The following FAHD1 variants were observed in gnomAD, a reference collection of about 807,000 sequenced individuals.
FAHD1 encodes the protein oxaloacetate tautomerase FAHD1, mitochondrial.
FAHD1 carries 14 observed loss-of-function variants against 12.7 expected under a neutral mutation model. The ratio of observed to expected loss-of-function variants is 1.10; its 90% CI spans 0.73 to 1.72. FAHD1 has a LOEUF of 1.72. FAHD1 is among the 40% of genes most tolerant of loss of function. The probability of loss-of-function intolerance (pLI) is 0.00; values close to 1 mark genes in which losing one functional copy is unlikely to be tolerated. For synonymous variants in FAHD1, 153 were observed against 124.9 expected, an observed-to-expected ratio of 1.22 and a Z score of -1.50; for missense variants, 351 against 298.9, an observed-to-expected ratio of 1.17 and a Z score of -1.29.
chr16:1,829,740 A>C (rs990257199), downstream of FAHD1, among the ~76,000 whole-genome samples: 4 of 152,142 alleles, frequency 2.6e-5, no homozygotes, highest in Non-Finnish European at 4.4e-5. Context: ...AAACACCAAA[A>C]ATTTCATCTA....
intron 1 of FAHD1, among the ~76,000 whole-genome samples, chr16:1,835,807 C>T (rs1898729128): frequency 6.6e-6 from 1 of 152,152 alleles, no homozygotes; most frequent in South Asian, 2.1e-4. Context: ...TACAAGCAAA[C>T]CCATTCAGCA....
intron 2 of FAHD1, among the ~76,000 whole-genome samples, chr16:1,838,539 A>C (rs1223236763): frequency 6.6e-6 from 1 of 152,192 alleles, no homozygotes; most frequent in Admixed American, 6.5e-5. Context: ...CAAATCAAGG[A>C]GAAAACGTGT....
chr16:1,827,384 A>G lies in FAHD1; in HGVS notation c.146A>G (p.Tyr49Cys), dbSNP rs141621076. The G allele has an allele frequency of 1.9e-5, 30 of 1,612,298 alleles. No individual in the cohort carries two copies. In the African/African-American group the frequency reaches 3.3e-4, roughly 18 times the overall value. Residue 49 changes from tyrosine (Y) to cysteine (C), a missense_variant, in exon 1 of 1, where the codon TAC (tyrosine) becomes TGC (cysteine). Tyr to Cys is a radical substitution (Grantham distance 194, BLOSUM62 -2). Coordinates refer to ENST00000427358, the Ensembl canonical transcript of FAHD1. ...CTGTTCCTGAAGCCGTCCACGGCCT[A>G]CGCGCCCGAGGGCTCGCCCATCCTC... is the stretch of plus-strand genomic sequence containing the variant.
At chr16:1,839,649 A>AC in exon 3 of FAHD1, 1 of 490,582 alleles carries the variant, frequency 2.0e-6, no homozygotes. Flanking sequence ...AACTGCGTAC[A>AC]CCAGTCCTCT....
chr16:1,827,740 T>C, exon 1 of FAHD1: 5 of 1,614,106 alleles, frequency 3.1e-6, no homozygotes, highest in Non-Finnish European at 4.2e-6. Flanking sequence ...TTCCATCCCC[T>C]ACATCATCAG....
At chr16:1,834,277 C>A (rs1299056107) in intron 1 of FAHD1, 1 of 1,607,390 alleles carries the variant, frequency 6.2e-7, no homozygotes, top group Non-Finnish European at 8.5e-7. Context: ...TTTGTCCAGA[C>A]AAGTTTCTGC....
exon 1 of FAHD1, chr16:1,828,004 G>C: frequency 1.3e-6 from 2 of 1,511,940 alleles, no homozygotes; most frequent in East Asian, 4.7e-5. Flanking sequence ...TTTATTGGCC[G>C]GACGCGGTGG....
At position 1,828,216 on chromosome 16, in the gene FAHD1, G is replaced by A. The variant is rs533660047; in HGVS notation, c.*312G>A. 6.5e-6 allele frequency: 6 copies of A among 929,454 alleles called. No homozygotes were observed. The East Asian group carries it at 3.1e-4, about 48-fold the overall frequency. The allele number at this position is 929,454 out of a possible 1,614,324, so 57.6% of individuals were successfully genotyped here. ...GAATCAATTGAACCCGGGAGGCGGA[G>A]CTTACAGTGAGCTGAGATTGCGCCA... On this transcript the variant is annotated 3_prime_UTR_variant, in exon 1 of 1. Transcript: ENST00000427358.
At chr16:1,834,304 T>A (rs749123856) in intron 1 of FAHD1, 1 of 1,613,348 alleles carries the variant, frequency 6.2e-7, no homozygotes, top group Non-Finnish European at 8.5e-7. Flanking sequence ...CAGTAGGATC[T>A]GCAAGCTTGC....
chr16:1,836,593 G>T (rs1035941416), intron 1 of FAHD1, among the ~76,000 whole-genome samples: 1 of 151,896 alleles, frequency 6.6e-6, no homozygotes, highest in East Asian at 1.9e-4. Flanking sequence ...TCAAGCCGAG[G>T]TCCTAGAAAT....
exon 3 of FAHD1, chr16:1,839,613 C>T (rs942201742): frequency 3.7e-5 from 21 of 569,472 alleles, no homozygotes; most frequent in Admixed American, 7.2e-5. Context: ...ACACTTTCTA[C>T]GCAGCCATTC....
downstream of FAHD1, among the ~76,000 whole-genome samples, chr16:1,833,553 A>ACTTTTT (rs1567270120): frequency 1.0e-5 from 1 of 99,046 alleles, no homozygotes; most frequent in Non-Finnish European, 2.0e-5. Context: ...CTTTAGAGGT[A>ACTTTTT]CTTTTTTTTT....
chr16:1,829,375 G>A (rs566799958), downstream of FAHD1, among the ~76,000 whole-genome samples: 5 of 152,258 alleles, frequency 3.3e-5, no homozygotes, highest in African/African-American at 1.2e-4. Flanking sequence ...AGCTTAGTAT[G>A]ATCACTACCA....
At chr16:1,838,830 T>TA (rs892137847) in intron 2 of FAHD1, among the ~76,000 whole-genome samples, 3 of 152,154 alleles carry the variant, frequency 2.0e-5, no homozygotes, top group African/African-American at 7.2e-5. Flanking sequence ...TAGCTAGGAT[T>TA]ACAAGTGCAC....
chr16:1,837,995 A>G (rs1340652637), intron 1 of FAHD1: 9 of 1,443,314 alleles, frequency 6.2e-6, no homozygotes, highest in Non-Finnish European at 8.2e-6. Flanking sequence ...TTACAGCTCA[A>G]TCGTTTGTTT....
chr16:1,828,221 C>G (rs914017884), exon 1 of FAHD1: 50 of 926,752 alleles, frequency 5.4e-5, no homozygotes, highest in Middle Eastern at 5.4e-4. Flanking sequence ...GCGGAGCTTA[C>G]AGTGAGCTGA....
At chr16:1,837,894 C>A (rs1447599935) in intron 1 of FAHD1, 3 of 1,478,846 alleles carry the variant, frequency 2.0e-6, no homozygotes, top group East Asian at 2.5e-5. Flanking sequence ...AAATATGAGA[C>A]AAATATATTT....
At chr16:1,839,423 A>G in exon 3 of FAHD1, 1 of 1,611,960 alleles carries the variant, frequency 6.2e-7, no homozygotes, top group Non-Finnish European at 8.5e-7. Context: ...CATTTACAAT[A>G]TAACCACAGC....
chr16:1,827,296 G>A (rs145433996), exon 1 of FAHD1: 7 of 1,613,088 alleles, frequency 4.3e-6, no homozygotes, highest in East Asian at 2.2e-5. Context: ...CATCGTCTGC[G>A]TGGGGAGGAA....
Sources: gnomAD v4.1 joint callset for allele counts (sites outside exome capture counted in the v4.1 genomes callset) on GRCh38, gnomAD v4.1.1 for gene constraint, MANE v1.5 for transcripts, NCBI Gene and HGNC (gene_info 2026-07-23, HGNC 2026-07-21) for gene names.